The following ATP8A2 variants were observed in gnomAD, a reference collection of about 807,000 sequenced individuals.
ATP8A2 encodes the protein phospholipid-transporting ATPase IB.
In ATP8A2, 100 loss-of-function variants were observed where a neutral mutation model predicts 165.6. The ratio of observed to expected loss-of-function variants is 0.60; its 90% CI spans 0.51 to 0.71. The LOEUF is 0.71. ATP8A2 is among the 30% of genes least tolerant of loss of function. The pLI is 0.00. For missense variants in ATP8A2, 1,227 were observed against 1,479.5 expected (o/e 0.83, Z 2.80); for synonymous variants, 543 against 548.8 (o/e 0.99, Z 0.15).
rs991342957 is a variant in ATP8A2, at chr13:26,020,520, A to G, written c.*535A>G. On this transcript the variant is annotated 3_prime_UTR_variant, in exon 37 of 37. Coordinates refer to ENST00000381655, the MANE Select transcript of ATP8A2 (RefSeq NM_016529.6). ...TAAACTTCTTGATTGCAGTGAAATCACAAAATTCTCTATCGGGGTGGTCAA... is the reference window on the plus strand; with the variant it reads ...TAAACTTCTTGATTGCAGTGAAATCGCAAAATTCTCTATCGGGGTGGTCAA... 3.3e-5 allele frequency: 5 copies of G among 153,036 alleles called. No homozygotes were observed. Among genetic ancestry groups the G allele is most frequent in the African/African-American group, 1.2e-4 (5 of 41,462 alleles). 9.5% of individuals were successfully genotyped at this position (153,036 alleles called of 1,614,324 possible). A position where few individuals can be genotyped will look rare whatever the true frequency, so the allele number is the denominator to read the frequency against.
rs575024079 is a variant in ATP8A2 at position 25,976,628 on chromosome 13, G to A, written c.3377+7949G>A. Reference sequence around the variant, plus strand: ...CAAAATCCAAGGAAGCTAGAGAATTGTAGTTGCATGTTGTTGTCTTTTAGA... The same window carrying A: ...CAAAATCCAAGGAAGCTAGAGAATTATAGTTGCATGTTGTTGTCTTTTAGA... On this transcript the variant is annotated intron_variant, in intron 35 of 36. Transcript: ENST00000381655. Among the ~76,000 whole-genome samples the A allele has an allele frequency of 3.9e-5, 6 of 152,152 alleles. No individual in the cohort carries two copies. In the East Asian group the frequency reaches 1.2e-3, roughly 29 times the overall value.
In ATP8A2 at chr13:25,671,584, C is replaced by T. The variant is rs185730212; in HGVS notation, c.2212-27589C>T. 1.3e-3 allele frequency among the ~76,000 whole-genome samples: 202 copies of T among 152,196 alleles called. 3 individuals carry two copies. Among genetic ancestry groups the T allele is most frequent in the African/African-American group, 4.6e-3 (191 of 41,510 alleles). ...CCTGGGTGTGGTCGTCTCTTATGGT[C>T]GAGACTGCAGAGGTGAGATAGACTC... On this transcript the variant is annotated intron_variant, in intron 24 of 36. Transcript: ENST00000381655.
chr13:25,556,117 T>G (rs2038972916), intron 13 of ATP8A2, among the ~76,000 whole-genome samples: 1 of 152,252 alleles, frequency 6.6e-6, no homozygotes, highest in South Asian at 2.1e-4. Flanking sequence ...TGTGTTCTTT[T>G]GGATATATAC....
chr13:25,754,050 A>G (rs1309965271), intron 25 of ATP8A2, among the ~76,000 whole-genome samples: 2 of 152,238 alleles, frequency 1.3e-5, no homozygotes, highest in Admixed American at 6.5e-5. Context: ...TTCAGTCAAG[A>G]TGGATAGCCC....
intron 33 of ATP8A2, among the ~76,000 whole-genome samples, chr13:25,898,917 G>A (rs1345683230): frequency 7.9e-5 from 12 of 152,196 alleles, no homozygotes; most frequent in Non-Finnish European, 1.5e-5. Flanking sequence ...GATTTTCCAG[G>A]TGCTGTTTGT....
intron 33 of ATP8A2, among the ~76,000 whole-genome samples, chr13:25,951,022 G>T (rs959726474): frequency 6.6e-6 from 1 of 152,280 alleles, no homozygotes; most frequent in South Asian, 2.1e-4. Flanking sequence ...ACCGGAATGC[G>T]CCTGCACTTG....
chr13:25,842,831 G>C (rs913062407), intron 30 of ATP8A2, among the ~76,000 whole-genome samples: 1 of 152,166 alleles, frequency 6.6e-6, no homozygotes, highest in Non-Finnish European at 1.5e-5. Context: ...AGGCATTGAA[G>C]GGTCAGTGTA....
chr13:25,669,087 T>G (rs1006837621), intron 24 of ATP8A2, among the ~76,000 whole-genome samples: 1 of 152,042 alleles, frequency 6.6e-6, no homozygotes, highest in Non-Finnish European at 1.5e-5. Context: ...TGGGACATAC[T>G]TTTTTGTTTT....
At chr13:25,675,432 C>T (rs2042352413) in intron 24 of ATP8A2, among the ~76,000 whole-genome samples, 1 of 152,190 alleles carries the variant, frequency 6.6e-6, no homozygotes, top group Non-Finnish European at 1.5e-5. Context: ...CAGACAGAAT[C>T]AAATCAGGCC....
At chr13:25,973,167 G>A (rs1228011017) in intron 35 of ATP8A2, among the ~76,000 whole-genome samples, 1 of 152,170 alleles carries the variant, frequency 6.6e-6, no homozygotes, top group African/African-American at 2.4e-5. Context: ...TTCCCCTTAA[G>A]TGCTTTCCCT....
chr13:25,984,607 A>AC (rs1956237382), intron 35 of ATP8A2, among the ~76,000 whole-genome samples: 1 of 151,976 alleles, frequency 6.6e-6, no homozygotes, highest in Non-Finnish European at 1.5e-5. Flanking sequence ...CAAAAAAAAA[A>AC]AAACAAACAA....
chr13:25,945,669 A>G (rs946675582), intron 33 of ATP8A2, among the ~76,000 whole-genome samples: 1 of 152,226 alleles, frequency 6.6e-6, no homozygotes, highest in African/African-American at 2.4e-5. Flanking sequence ...GGGTGCAACA[A>G]GCTGCTGCTA....
chr13:25,799,007 C>A (rs1370967475), intron 27 of ATP8A2, among the ~76,000 whole-genome samples: 1 of 151,340 alleles, frequency 6.6e-6, no homozygotes, highest in Non-Finnish European at 1.5e-5. Context: ...AAAAAATTGA[C>A]AGAACAAATT....
At chr13:25,406,709 C>T (rs2033811540) in intron 1 of ATP8A2, among the ~76,000 whole-genome samples, 1 of 152,228 alleles carries the variant, frequency 6.6e-6, no homozygotes, top group South Asian at 2.1e-4. Context: ...TCATCTCCCT[C>T]CTGGGGATCC....
Position 25,615,871 on chromosome 13 carries a change from T to C in ATP8A2, c.2211+26172T>C, listed in dbSNP as rs144183060. 6.1e-4 allele frequency among the ~76,000 whole-genome samples: 93 copies of C among 152,308 alleles called. No individual in the cohort carries two copies. In the East Asian group the frequency reaches 0.016, roughly 27 times the overall value. On this transcript the variant is annotated intron_variant, in intron 24 of 36. Transcript: ENST00000381655. ...GTTCCCCTTTCACATTTTCACACTT[T>C]GGGCACTCACAGTTTTTTAGCTGTC...
intron 24 of ATP8A2, among the ~76,000 whole-genome samples, chr13:25,652,120 C>G (rs2041827141): frequency 6.6e-6 from 1 of 152,088 alleles, no homozygotes; most frequent in African/African-American, 2.4e-5. Context: ...TTGCCCAGTT[C>G]CCTTCAGTTC....
intron 2 of ATP8A2, among the ~76,000 whole-genome samples, 183 bp downstream of exon 2, chr13:25,469,304 T>G (rs890191148): frequency 1.4e-5 from 2 of 146,584 alleles, no homozygotes; most frequent in African/African-American, 5.0e-5. Flanking sequence ...AGTAGGGTCA[T>G]GCGAATGCAG....
chr13:25,735,211 G>T (rs938389343), intron 25 of ATP8A2, among the ~76,000 whole-genome samples: 4 of 152,218 alleles, frequency 2.6e-5, no homozygotes, highest in Admixed American at 6.5e-5. Context: ...TAGCTGAAGA[G>T]TTAGAGGTCA....
chr13:25,861,891 A>G (rs1027810089), intron 32 of ATP8A2, among the ~76,000 whole-genome samples: 1 of 152,244 alleles, frequency 6.6e-6, no homozygotes, highest in Non-Finnish European at 1.5e-5. Flanking sequence ...GAATGGAACA[A>G]AGTCTTGAAA....
Sources: allele counts gnomAD v4.1 joint callset (sites outside exome capture counted in the v4.1 genomes callset), GRCh38; gene constraint gnomAD v4.1.1; transcripts MANE v1.5; gene names NCBI Gene and HGNC (gene_info 2026-07-23, HGNC 2026-07-21).